NRP2: variants seen among roughly 807,000 people sequenced by gnomAD.
The protein encoded by NRP2 is neuropilin-2.
In NRP2, 52 loss-of-function variants were observed where a neutral mutation model predicts 110.4. The ratio of observed to expected loss-of-function variants is 0.47; its 90% CI spans 0.38 to 0.59. The LOEUF is 0.59. Ranked by LOEUF, NRP2 falls within the 20% of genes least tolerant of loss-of-function variation. NRP2 has a pLI of 0.00. For missense variants in NRP2, 1,049 were observed against 1,203.0 expected (o/e 0.87, Z 1.89); for synonymous variants, 508 against 468.9 (o/e 1.08, Z -1.08).
Position 205,794,896 on chromosome 2 carries a change from C to T in NRP2, c.2619C>T (p.Leu873=), listed in dbSNP as rs2058338480. 1 of 1,614,074 alleles carries T rather than the reference C, an allele frequency of 6.2e-7. No individual in the cohort carries two copies. The highest frequency in any genetic ancestry group is 8.5e-7 in the Non-Finnish European group (1 of 1,180,042). The change falls in exon 17 of 17, where the codon CTC becomes CTT. Residue 873 remains leucine, a synonymous_variant. Transcript: ENST00000357785. The stretch of plus-strand genomic sequence containing the variant: ...TCGCCATGAGCTCACTGGGCGTCCT[C>T]CTGGGGGCCACCTGTGCAGGCCTCC... The part of the protein sequence containing the change: ...TIIAMSSLGV[L]LGATCAGLLL...
intron 12 of NRP2, among the ~76,000 whole-genome samples, chr2:205,754,920 C>A (rs1046941995): frequency 2.0e-5 from 3 of 152,064 alleles, no homozygotes; most frequent in African/African-American, 7.2e-5. Flanking sequence ...CAGTGTCTGT[C>A]CTCAGGTTCA....
intron 7 of NRP2, among the ~76,000 whole-genome samples, chr2:205,739,369 A>T (rs1575608784): frequency 6.6e-6 from 1 of 152,172 alleles, no homozygotes; most frequent in Non-Finnish European, 1.5e-5. Flanking sequence ...AATTGTTTAT[A>T]CTCAAAGATA....
chr2:205,784,950 A>T (rs1005417824), intron 15 of NRP2, among the ~76,000 whole-genome samples: 1 of 152,228 alleles, frequency 6.6e-6, no homozygotes, highest in Non-Finnish European at 1.5e-5. Context: ...GTCCTTGGCC[A>T]CCAGCAAGCT....
At chr2:205,743,943 C>T (rs937939487) in intron 9 of NRP2, among the ~76,000 whole-genome samples, 4 of 152,254 alleles carry the variant, frequency 2.6e-5, no homozygotes, top group Admixed American at 6.5e-5. Flanking sequence ...GGGGTTTCAC[C>T]GTATTGGTCA....
Position 205,749,721 on chromosome 2 carries a change from A to G in NRP2, c.1787-4A>G. Reference sequence around the variant, plus strand: ...TTCTCTTATCTTCCTTTGCCCTTACACAGACTCCAAGCCCACGGTAGAGAC... The same window carrying G: ...TTCTCTTATCTTCCTTTGCCCTTACGCAGACTCCAAGCCCACGGTAGAGAC... On this transcript the variant is annotated splice_polypyrimidine_tract_variant and splice_region_variant and intron_variant, in intron 10 of 16. Coordinates refer to ENST00000357785, the MANE Select transcript of NRP2 (RefSeq NM_003872.3). 1 of 1,613,146 alleles carries G rather than the reference A, an allele frequency of 6.2e-7. No homozygotes were observed. Among genetic ancestry groups the G allele is most frequent in the African/African-American group, 1.3e-5 (1 of 75,006 alleles).
At chr2:205,690,220 T>C (rs866766482) in intron 1 of NRP2, among the ~76,000 whole-genome samples, 1 of 152,118 alleles carries the variant, frequency 6.6e-6, no homozygotes. Context: ...CCCAAAGGCA[T>C]TCTAGGGGCT....
Position 205,765,497 on chromosome 2 carries a change from G to C in NRP2, c.2331G>C (p.Gly777=), listed in dbSNP as rs762268881. Residue 777 remains glycine, a synonymous_variant, in exon 14 of 17, where the codon GGG becomes GGC. Transcript: ENST00000357785. ...AGATTGTGTTCGAGGGAGTGATAGG[G>C]AAAGGACGTTCCGGAGAGATTGCCA... ...EYQIVFEGVI[G]KGRSGEIAID... The C allele has an allele frequency of 1.3e-5, 21 of 1,614,060 alleles. No homozygotes were observed. The highest frequency in any genetic ancestry group is 1.8e-5 in the Non-Finnish European group (21 of 1,180,028).
intron 15 of NRP2, among the ~76,000 whole-genome samples, chr2:205,774,702 G>A (rs1401532239): frequency 1.3e-5 from 2 of 152,172 alleles, no homozygotes; most frequent in African/African-American, 4.8e-5. Context: ...ACATTAGAAG[G>A]TCTGACCCAC....
At chr2:205,776,165 T>G in intron 15 of NRP2, 5 of 1,348,516 alleles carry the variant, frequency 3.7e-6, no homozygotes, top group Non-Finnish European at 4.2e-6. Flanking sequence ...CATGTGTGTG[T>G]TTCTTTCTTT....
At chr2:205,693,915 A>T (rs41421252) in intron 1 of NRP2, among the ~76,000 whole-genome samples, 3,443 of 152,354 alleles carry the variant, frequency 0.023, 132 homozygotes, top group African/African-American at 0.077. Context: ...TTTAGCAAAT[A>T]TTATTGTCAA....
chr2:205,716,250 A>T lies in NRP2; in HGVS notation c.309A>T (p.Lys103Asn). The change falls in exon 3 of 17, where the codon AAA becomes AAT. Residue 103 changes from lysine (K) to asparagine (N), a missense_variant. Physicochemically the swap from Lys to Asn is moderately conservative, Grantham distance 94. Coordinates refer to ENST00000357785, the MANE Select transcript of NRP2 (RefSeq NM_003872.3). ...GTGAATCCGCAGACCTCCTGGGCAA[A>T]CACTGTGGGAACATCGCCCCGCCCA... ...GDSESADLLG[K>N]HCGNIAPPTI... is the part of the protein sequence containing the mutation. 6.2e-7 allele frequency: 1 copy of T among 1,614,132 alleles called. No individual in the cohort carries two copies. Among genetic ancestry groups the T allele is most frequent in the Non-Finnish European group, 8.5e-7 (1 of 1,180,026 alleles).
chr2:205,776,550 A>G, intron 15 of NRP2: 1 of 1,601,110 alleles, frequency 6.2e-7, no homozygotes, highest in Non-Finnish European at 8.5e-7. Context: ...AACAGCACCC[A>G]AAACAAACGA....
At chr2:205,775,878 T>A (rs1188580482) in intron 15 of NRP2, among the ~76,000 whole-genome samples, 1 of 152,138 alleles carries the variant, frequency 6.6e-6, no homozygotes, top group Non-Finnish European at 1.5e-5. Context: ...TTAGAACACT[T>A]CCATATATTA....
chr2:205,725,963 G>A lies in NRP2; in HGVS notation c.871G>A (p.Glu291Lys). 2 of 1,614,154 alleles carry A rather than the reference G, an allele frequency of 1.2e-6. No homozygotes were observed. Among genetic ancestry groups the A allele is most frequent in the Non-Finnish European group, 1.7e-6 (2 of 1,180,004 alleles). ...CATGGAGTCTGGCCGGATTGCTAAT[G>A]AACAGATCAGTGCCTCATCTACCTA... ...LGMESGRIANEQISASSTYSD... is the reference protein window; with the variant it reads ...LGMESGRIANKQISASSTYSD... The change falls in exon 6 of 17, where the codon GAA becomes AAA. Residue 291 changes from glutamate to lysine, a missense_variant. Physicochemically the swap from Glu to Lys is moderately conservative, Grantham distance 56. Transcript: ENST00000357785. This position sits in a 1 kb window ranked among gnomAD's most constrained non-coding sequence, Gnocchi z 4.1.
intron 12 of NRP2, among the ~76,000 whole-genome samples, chr2:205,754,910 C>T (rs2057709814): frequency 6.6e-6 from 1 of 152,122 alleles, no homozygotes; most frequent in Non-Finnish European, 1.5e-5. Context: ...GGCTCTTATT[C>T]AGTGTCTGTC....
chr2:205,794,237 A>G (rs1263566253), intron 16 of NRP2, among the ~76,000 whole-genome samples: 1 of 152,052 alleles, frequency 6.6e-6, no homozygotes, highest in Non-Finnish European at 1.5e-5. Context: ...CAGCCTCCCA[A>G]GTAGCTGGGA....
chr2:205,722,465 C>G lies in NRP2; in HGVS notation c.434-13C>G. On this transcript the variant is annotated splice_polypyrimidine_tract_variant and intron_variant, in intron 3 of 16. Coordinates refer to ENST00000357785, the MANE Select transcript of NRP2 (RefSeq NM_003872.3). ...ATCTTCTTCTTAGTGCTACAGTTCTCTTTTACATACAGGCTCTGAAGATTG... is the reference window on the plus strand; with the variant it reads ...ATCTTCTTCTTAGTGCTACAGTTCTGTTTTACATACAGGCTCTGAAGATTG... 4 of 1,605,534 alleles carry G rather than the reference C, an allele frequency of 2.5e-6. No individual in the cohort carries two copies. Among genetic ancestry groups the G allele is most frequent in the Non-Finnish European group, 3.4e-6 (4 of 1,172,214 alleles).
At position 205,755,258 on chromosome 2, in the gene NRP2, G is replaced by A. The variant is rs567009383; in HGVS notation, c.2044+2283G>A. 7.2e-5 allele frequency among the ~76,000 whole-genome samples: 11 copies of A among 152,266 alleles called. No individual in the cohort carries two copies. In the South Asian group the frequency reaches 2.1e-3, roughly 29 times the overall value. The stretch of plus-strand genomic sequence containing the variant: ...GCTTTTCAGAGCAAGCTCACAAAGT[G>A]GGCAGAATTCCAACCTTTGGCTGAA... On this transcript the variant is annotated intron_variant, in intron 12 of 16. Transcript: ENST00000357785.
chr2:205,792,783 C>T (rs1035035212), intron 16 of NRP2, among the ~76,000 whole-genome samples: 8 of 152,134 alleles, frequency 5.3e-5, no homozygotes, highest in Admixed American at 2.0e-4. Context: ...CTGACCATCT[C>T]GTATCTTTAT....
Sources: gnomAD v4.1 joint callset for allele counts (sites outside exome capture counted in the v4.1 genomes callset) on GRCh38, gnomAD v4.1.1 for gene constraint, Gnocchi (gnomAD v3.1) non-coding constraint, MANE v1.5 for transcripts, NCBI Gene and HGNC (gene_info 2026-07-23, HGNC 2026-07-21) for gene names.